Variants in ENTREP2 observed in about 807,000 individuals in gnomAD.
The protein encoded by ENTREP2 is protein ENTREP2.
the ENTREP2 span, among the ~76,000 whole-genome samples, chr15:29,210,159 C>T: frequency 2.0e-5 from 3 of 152,158 alleles, no homozygotes; most frequent in African/African-American, 4.8e-5. Context: ...ACACCTCGAA[C>T]TACACCCTTC....
the ENTREP2 span, among the ~76,000 whole-genome samples, chr15:29,639,779 T>C: frequency 2.0e-5 from 3 of 149,112 alleles, no homozygotes; most frequent in Non-Finnish European, 4.5e-5. Flanking sequence ...TTTTTTTTTT[T>C]TTTTTTGAGA....
At chr15:29,656,022 TAA>T in the ENTREP2 span, among the ~76,000 whole-genome samples, 2,147 of 100,324 alleles carry the variant, frequency 0.021, 53 homozygotes, top group African/African-American at 0.07. Context: ...ACACTCCGTT[TAA>T]AAAAAAAAAA....
the ENTREP2 span, among the ~76,000 whole-genome samples, chr15:29,586,550 C>T: frequency 2.0e-5 from 3 of 152,240 alleles, no homozygotes; most frequent in African/African-American, 7.2e-5. Flanking sequence ...GAGGCTGACA[C>T]CTGTAATCCC....
chr15:29,397,111 G>A, the ENTREP2 span, among the ~76,000 whole-genome samples: 1 of 152,158 alleles, frequency 6.6e-6, no homozygotes, highest in Non-Finnish European at 1.5e-5. Context: ...GAGAGGCCAG[G>A]CACAGTGGGT....
At chr15:29,276,849 A>G in the ENTREP2 span, among the ~76,000 whole-genome samples, 1 of 152,238 alleles carries the variant, frequency 6.6e-6, no homozygotes, top group African/African-American at 2.4e-5. Flanking sequence ...AAGGGTAGTA[A>G]GAAATGAGAC....
the ENTREP2 span, among the ~76,000 whole-genome samples, chr15:29,623,412 G>T: frequency 6.6e-6 from 1 of 152,186 alleles, no homozygotes; most frequent in African/African-American, 2.4e-5. Context: ...TAACACTGTA[G>T]TTAGCACCAT....
the ENTREP2 span, among the ~76,000 whole-genome samples, chr15:29,316,241 T>C: frequency 6.6e-6 from 1 of 152,052 alleles, no homozygotes; most frequent in Non-Finnish European, 1.5e-5. Flanking sequence ...CTGTAACATA[T>C]CACCATTTAA....
chr15:29,648,635 G>A, the ENTREP2 span, among the ~76,000 whole-genome samples: 1 of 152,154 alleles, frequency 6.6e-6, no homozygotes, highest in African/African-American at 2.4e-5. Context: ...GTTACGCAAT[G>A]ATTACATAAA....
the ENTREP2 span, among the ~76,000 whole-genome samples, chr15:29,132,427 G>A: frequency 6.0e-3 from 914 of 152,324 alleles, 4 homozygotes; most frequent in Middle Eastern, 0.024. Flanking sequence ...TTCATCACCA[G>A]ATGCTGCCCT....
At chr15:29,260,890 T>C in the ENTREP2 span, among the ~76,000 whole-genome samples, 1 of 152,204 alleles carries the variant, frequency 6.6e-6, no homozygotes, top group Non-Finnish European at 1.5e-5. Context: ...AAAGAGAGTC[T>C]AAAAGCAACA....
At chr15:29,503,493 A>G in the ENTREP2 span, among the ~76,000 whole-genome samples, 1 of 151,636 alleles carries the variant, frequency 6.6e-6, no homozygotes, top group Non-Finnish European at 1.5e-5. Context: ...GGTGATGGAA[A>G]TGTTCCGGAA....
the ENTREP2 span, among the ~76,000 whole-genome samples, chr15:29,644,429 A>G: frequency 6.6e-6 from 1 of 152,242 alleles, no homozygotes; most frequent in Non-Finnish European, 1.5e-5. Flanking sequence ...TGATATCTCA[A>G]TAAAGCCGGT....
chr15:29,331,238 C>T, the ENTREP2 span, among the ~76,000 whole-genome samples: 361 of 152,272 alleles, frequency 2.4e-3, 3 homozygotes, highest in African/African-American at 8.0e-3. Flanking sequence ...GCAGGTGGCA[C>T]GAGGATCAAT....
At chr15:29,429,536 A>T in the ENTREP2 span, among the ~76,000 whole-genome samples, 1 of 152,164 alleles carries the variant, frequency 6.6e-6, no homozygotes, top group Non-Finnish European at 1.5e-5. Flanking sequence ...TTAATTTTTG[A>T]ATTTGGGACT....
chr15:29,477,993 C>CTATATATA, the ENTREP2 span, among the ~76,000 whole-genome samples: 14 of 86,082 alleles, frequency 1.6e-4, no homozygotes, highest in East Asian at 7.2e-4. Flanking sequence ...TTAAATTTAA[C>CTATATATA]TATATATATA....
the ENTREP2 span, among the ~76,000 whole-genome samples, chr15:29,604,980 TAGG>T: frequency 6.6e-6 from 1 of 152,212 alleles, no homozygotes; most frequent in Admixed American, 6.5e-5. Flanking sequence ...GTGGTATTTA[TAGG>T]AGTATTCAAA....
chr15:29,344,677 G>A, the ENTREP2 span, among the ~76,000 whole-genome samples: 1 of 152,002 alleles, frequency 6.6e-6, no homozygotes, highest in African/African-American at 2.4e-5. Context: ...GTCCTCTGGT[G>A]GAAGGTCAGT....
chr15:29,361,052 C>T, the ENTREP2 span, among the ~76,000 whole-genome samples: 3 of 152,200 alleles, frequency 2.0e-5, no homozygotes, highest in Non-Finnish European at 4.4e-5. Flanking sequence ...TGGTGCTTTT[C>T]CTGCTTCCTG....
At chr15:29,602,522 T>C in the ENTREP2 span, among the ~76,000 whole-genome samples, 2 of 152,010 alleles carry the variant, frequency 1.3e-5, no homozygotes, top group Non-Finnish European at 2.9e-5. Context: ...TTTTAGTTTA[T>C]TATTTTATTA....
Sources: gnomAD v4.1 joint callset for allele counts (sites outside exome capture counted in the v4.1 genomes callset) on GRCh38, gnomAD v4.1.1 for gene constraint, MANE v1.5 for transcripts, NCBI Gene and HGNC (gene_info 2026-07-23, HGNC 2026-07-21) for gene names.